ESRRG: variants seen among roughly 807,000 people sequenced by gnomAD.
ESRRG encodes estrogen-related receptor gamma.
Under a neutral mutation model 44.0 loss-of-function variants are expected in ESRRG, and 13 were observed. The observed-to-expected ratio is 0.30, with a 90% CI of 0.19 to 0.47. The LOEUF is 0.47. ESRRG is among the 20% of genes least tolerant of loss of function. The pLI is 1.00. For missense variants in ESRRG, 395 were observed against 580.6 expected, an observed-to-expected ratio of 0.68 and a Z score of 3.29; for synonymous variants, 215 against 214.6, an observed-to-expected ratio of 1.00 and a Z score of -0.02.
chr1:217,133,645 C>CTCTCTCTCTCTTTCTT (rs1266397788), intron 1 of ESRRG, among the ~76,000 whole-genome samples: 23 of 91,800 alleles, frequency 2.5e-4, no homozygotes, highest in East Asian at 1.9e-3. Flanking sequence ...CTCTCTCTCT[C>CTCTCTCTCTCTTTCTT]TCTTTCTTTC....
At chr1:217,136,600 C>A (rs2093053302) in intron 1 of ESRRG, among the ~76,000 whole-genome samples, 1 of 152,174 alleles carries the variant, frequency 6.6e-6, no homozygotes, top group South Asian at 2.1e-4. Flanking sequence ...CGCCCTTTTG[C>A]TGCACCCGCT....
At chr1:216,585,113 G>A (rs2063520029) in intron 3 of ESRRG, among the ~76,000 whole-genome samples, 1 of 152,130 alleles carries the variant, frequency 6.6e-6, no homozygotes, top group Admixed American at 6.5e-5. Flanking sequence ...AAGATGGTAG[G>A]GGTCTAGTAG....
intron 1 of ESRRG, among the ~76,000 whole-genome samples, chr1:217,080,671 G>GTTTTTTTTTTTTTT (rs34598045): frequency 1.5e-5 from 1 of 65,246 alleles, no homozygotes; most frequent in African/African-American, 6.2e-5. Flanking sequence ...TGTTTTTTTG[G>GTTTTTTTTTTTTTT]TTTTTTTTTT....
chr1:216,847,746 A>G (rs1412028063), intron 2 of ESRRG, among the ~76,000 whole-genome samples: 5 of 152,124 alleles, frequency 3.3e-5, no homozygotes, highest in African/African-American at 1.2e-4. Context: ...TTCATGGCCT[A>G]TTATCAAAGC....
At chr1:216,670,564 G>C (rs900105168) in intron 2 of ESRRG, among the ~76,000 whole-genome samples, 1 of 152,180 alleles carries the variant, frequency 6.6e-6, no homozygotes, top group Admixed American at 6.5e-5. Context: ...CGTACACCTT[G>C]ATCCTGAGTA....
intron 2 of ESRRG, among the ~76,000 whole-genome samples, chr1:216,907,829 A>C (rs1186868486): frequency 1.3e-5 from 2 of 152,164 alleles, no homozygotes; most frequent in East Asian, 3.9e-4. Context: ...ATTCACATCT[A>C]TCTAAAGGAA....
At chr1:217,044,623 G>A (rs2084511548) in intron 1 of ESRRG, among the ~76,000 whole-genome samples, 1 of 152,078 alleles carries the variant, frequency 6.6e-6, no homozygotes, top group African/African-American at 2.4e-5. Context: ...TAGAAAGAGG[G>A]ACACAATCAT....
At chr1:216,975,987 A>C (rs892353561) in intron 1 of ESRRG, among the ~76,000 whole-genome samples, 2 of 152,180 alleles carry the variant, frequency 1.3e-5, no homozygotes, top group African/African-American at 4.8e-5. Flanking sequence ...TGACAAATCC[A>C]ACCACCTTCT....
chr1:216,610,154 T>A (rs898211478), intron 3 of ESRRG, among the ~76,000 whole-genome samples: 1 of 151,996 alleles, frequency 6.6e-6, no homozygotes, highest in Non-Finnish European at 1.5e-5. Context: ...AGGCTTGTCA[T>A]CTTTAAAAAA....
At chr1:217,092,724 G>A (rs139537043), upstream of ESRRG, among the ~76,000 whole-genome samples, 28 of 152,264 alleles carry the variant, frequency 1.8e-4, no homozygotes, top group African/African-American at 5.8e-4. Flanking sequence ...GCATTTTTCC[G>A]CTTTCTCTTC....
chr1:217,099,256 C>T (rs781236255), intron 1 of ESRRG, among the ~76,000 whole-genome samples: 2 of 152,050 alleles, frequency 1.3e-5, no homozygotes, highest in African/African-American at 4.8e-5. Flanking sequence ...AGTTAGGTGC[C>T]CTTTGAAAGT....
At chr1:216,803,049 G>A (rs527611849) in intron 2 of ESRRG, among the ~76,000 whole-genome samples, 1 of 152,086 alleles carries the variant, frequency 6.6e-6, no homozygotes, top group Non-Finnish European at 1.5e-5. Flanking sequence ...CAGCCAGGGA[G>A]TTTGGGCTCA....
intron 3 of ESRRG, among the ~76,000 whole-genome samples, chr1:216,607,413 G>T (rs2060073705): frequency 6.6e-6 from 1 of 152,158 alleles, no homozygotes; most frequent in Admixed American, 6.5e-5. Context: ...AGATCAGGGT[G>T]AGCACAATGG....
At chr1:216,620,975 T>G (rs2062134097) in intron 3 of ESRRG, among the ~76,000 whole-genome samples, 1 of 152,196 alleles carries the variant, frequency 6.6e-6, no homozygotes, top group Non-Finnish European at 1.5e-5. Flanking sequence ...ATTGACATCA[T>G]GTTTGGACAC....
intron 2 of ESRRG, among the ~76,000 whole-genome samples, chr1:216,891,784 G>A (rs1344363948): frequency 6.8e-6 from 1 of 148,100 alleles, no homozygotes; most frequent in Non-Finnish European, 1.5e-5. Context: ...TACTCTTAGT[G>A]TGGTGCCCGC....
Position 217,036,088 on chromosome 1 carries a change from C to T in ESRRG, c.-106+53419G>A, listed in dbSNP as rs145448921. On this transcript the variant is annotated intron_variant, in intron 1 of 7. Coordinates refer to the ESRRG transcript ENST00000359162. ...CTCAACTTCACTGATTAGAAAAATGCAAATCAGAGCCACAATGGGATACTA... is the reference window on the plus strand; with the variant it reads ...CTCAACTTCACTGATTAGAAAAATGTAAATCAGAGCCACAATGGGATACTA... Among the ~76,000 whole-genome samples, 812 of 152,174 alleles carry T rather than the reference C, an allele frequency of 5.3e-3. 6 individuals carry two copies. Among genetic ancestry groups the T allele is most frequent in the African/African-American group, 0.019 (773 of 41,510 alleles).
intron 1 of ESRRG, among the ~76,000 whole-genome samples, chr1:216,964,662 ACTT>A (rs1377370662): frequency 2.6e-5 from 4 of 151,898 alleles, no homozygotes; most frequent in Admixed American, 2.6e-4. Context: ...ACCCAAACTC[ACTT>A]CTTCTTTCTG....
At chr1:217,008,534 T>C (rs564255363) in intron 1 of ESRRG, among the ~76,000 whole-genome samples, 1 of 152,286 alleles carries the variant, frequency 6.6e-6, no homozygotes, top group Non-Finnish European at 1.5e-5. Context: ...CTCTCTAGGT[T>C]CTAGGCTGGT....
At chr1:216,928,683 T>A (rs181239367) in intron 2 of ESRRG, among the ~76,000 whole-genome samples, 11 of 152,294 alleles carry the variant, frequency 7.2e-5, no homozygotes, top group Non-Finnish European at 1.0e-4. Context: ...TTTAAAACAA[T>A]GGTCTCCTAT....
Sources: allele counts gnomAD v4.1 joint callset (sites outside exome capture counted in the v4.1 genomes callset), GRCh38; gene constraint gnomAD v4.1.1; transcripts MANE v1.5; gene names NCBI Gene and HGNC (gene_info 2026-07-23, HGNC 2026-07-21).